The following TSHR variants were observed in gnomAD, a reference collection of about 807,000 sequenced individuals.
TSHR encodes thyrotropin receptor.
In TSHR, 51 loss-of-function variants were observed where a neutral mutation model predicts 64.1. The observed-to-expected ratio is 0.80, with a 90% confidence interval of 0.64 to 1.01. TSHR has a LOEUF of 1.01. Among genes scored for constraint, TSHR ranks in the 50% least tolerant of loss-of-function variants. The pLI is 0.00. For synonymous variants in TSHR, 361 were observed against 361.9 expected, an observed-to-expected ratio of 1.00 and a Z score of 0.03; for missense variants, 877 against 942.8, an observed-to-expected ratio of 0.93 and a Z score of 0.91.
At chr14:81,070,306 C>T (rs10136376) in intron 3 of TSHR, among the ~76,000 whole-genome samples, 9,699 of 152,018 alleles carry the variant, frequency 0.064, 1,057 homozygotes, top group African/African-American at 0.22. Flanking sequence ...AGTAAAATTG[C>T]TAAAAACCAA....
chr14:81,018,031 A>G (rs1883518769), intron 1 of TSHR, among the ~76,000 whole-genome samples: 3 of 152,034 alleles, frequency 2.0e-5, no homozygotes, highest in Admixed American at 1.3e-4. Flanking sequence ...AGGTTTCATC[A>G]TGTTGGCCAG....
intron 8 of TSHR, among the ~76,000 whole-genome samples, chr14:81,110,125 T>C (rs1395835425): frequency 6.6e-6 from 1 of 152,252 alleles, no homozygotes; most frequent in African/African-American, 2.4e-5. Context: ...AAAAATTCTG[T>C]TTGGTTCAAA....
intron 3 of TSHR, among the ~76,000 whole-genome samples, chr14:81,085,312 C>T (rs935620983): frequency 2.0e-5 from 3 of 152,126 alleles, no homozygotes; most frequent in Admixed American, 6.5e-5. Context: ...TGGCAGTCTA[C>T]GACCACTCCA....
chr14:81,098,369 G>A (rs1279736601), intron 7 of TSHR, among the ~76,000 whole-genome samples: 1 of 152,082 alleles, frequency 6.6e-6, no homozygotes, highest in Non-Finnish European at 1.5e-5. Flanking sequence ...TAAAATTAAT[G>A]TTTTAGAAAT....
At chr14:81,003,610 T>G in intron 1 of TSHR, 1 of 202,042 alleles carries the variant, frequency 4.9e-6, no homozygotes, top group South Asian at 9.8e-5. Context: ...TGCCTGATTT[T>G]GAGGGGTTTT....
At chr14:81,022,836 A>G (rs370028603) in intron 1 of TSHR, among the ~76,000 whole-genome samples, 36 of 152,120 alleles carry the variant, frequency 2.4e-4, no homozygotes, top group African/African-American at 7.2e-4. Flanking sequence ...AACAAAAAAA[A>G]AGATGTGGGG....
In TSHR at chr14:81,062,179, C is replaced by G; in HGVS notation, c.202C>G (p.Pro68Ala). 3 of 1,611,870 alleles carry G rather than the reference C, an allele frequency of 1.9e-6. No individual in the cohort carries two copies. The highest frequency in any genetic ancestry group is 2.5e-6 in the Non-Finnish European group (3 of 1,178,776). ...KLIETHLRTI[P>A]SHAFSNLPNI... ...TATTGAGACTCACCTGAGAACTATT[C>G]CAAGTCATGCATTTTCTAATCTGCC... The change falls in exon 2 of 10, where the codon CCA (proline) becomes GCA (alanine). Residue 68 changes from proline (P) to alanine (A), a missense_variant. By Grantham distance (27) the Pro-to-Ala change is conservative (BLOSUM62 -1). Transcript: ENST00000298171.
chr14:80,977,036 C>T (rs1887917626), intron 1 of TSHR, among the ~76,000 whole-genome samples: 1 of 152,254 alleles, frequency 6.6e-6, no homozygotes, highest in African/African-American at 2.4e-5. Flanking sequence ...TTGCATTGCT[C>T]TATAGAGCTA....
intron 1 of TSHR, among the ~76,000 whole-genome samples, chr14:81,024,810 C>T (rs1306721712): frequency 6.6e-6 from 1 of 152,110 alleles, no homozygotes; most frequent in Non-Finnish European, 1.5e-5. Context: ...TTTTTCTCTG[C>T]TTCTTGGGAG....
chr14:81,094,539 G>T (rs897032314), intron 6 of TSHR, among the ~76,000 whole-genome samples: 3 of 151,990 alleles, frequency 2.0e-5, no homozygotes, highest in African/African-American at 7.2e-5. Flanking sequence ...AATTAAACTC[G>T]CTATGTAATT....
At chr14:80,972,811 C>G (rs77603141) in intron 1 of TSHR, among the ~76,000 whole-genome samples, 17 of 152,302 alleles carry the variant, frequency 1.1e-4, no homozygotes, top group Non-Finnish European at 2.2e-4. Context: ...ATCTGCTCTC[C>G]GTCCACATGG....
In TSHR at chr14:81,132,276, C is replaced by T. The variant is rs1891280299; in HGVS notation, c.693-7403C>T. Reference sequence around the variant, plus strand: ...CAAACAGAAAAGACACTTGCAATTGCTGTTGGAACACTGGCAAGCCAATTA... The same window carrying T: ...CAAACAGAAAAGACACTTGCAATTGTTGTTGGAACACTGGCAAGCCAATTA... On this transcript the variant is annotated intron_variant, in intron 8 of 9. Coordinates refer to ENST00000298171, the MANE Select transcript of TSHR (RefSeq NM_000369.5). 2.0e-5 allele frequency among the ~76,000 whole-genome samples: 3 copies of T among 152,164 alleles called. No individual in the cohort carries two copies. The South Asian group carries it at 6.2e-4, about 32-fold the overall frequency.
intron 1 of TSHR, among the ~76,000 whole-genome samples, chr14:81,002,571 A>C (rs1889376404): frequency 6.6e-6 from 1 of 152,130 alleles, no homozygotes; most frequent in East Asian, 1.9e-4. Context: ...CTACCCAAAA[A>C]TATTACCTAA....
At chr14:80,966,640 A>G (rs1887313618) in intron 1 of TSHR, among the ~76,000 whole-genome samples, 1 of 152,214 alleles carries the variant, frequency 6.6e-6, no homozygotes, top group South Asian at 2.1e-4. Flanking sequence ...TCAGATGGTG[A>G]AAAGTATAAT....
chr14:81,114,237 C>T (rs1466089631), intron 8 of TSHR, among the ~76,000 whole-genome samples: 1 of 151,912 alleles, frequency 6.6e-6, no homozygotes, highest in Admixed American at 6.5e-5. Context: ...ACGCAGAAGA[C>T]GGGTGATTTC....
At chr14:81,055,503 C>T (rs1296936699) in intron 1 of TSHR, among the ~76,000 whole-genome samples, 1 of 152,172 alleles carries the variant, frequency 6.6e-6, no homozygotes, top group Non-Finnish European at 1.5e-5. Context: ...GGAAAATCTA[C>T]AGACACTCAA....
intron 1 of TSHR, among the ~76,000 whole-genome samples, chr14:80,997,509 C>T (rs1889086287): frequency 6.6e-6 from 1 of 152,176 alleles, no homozygotes; most frequent in Admixed American, 6.5e-5. Context: ...GTAGTTGCCA[C>T]ATCACACTGC....
chr14:81,082,918 G>A (rs2139951669), intron 3 of TSHR, among the ~76,000 whole-genome samples: 1 of 152,208 alleles, frequency 6.6e-6, no homozygotes, highest in East Asian at 1.9e-4. Context: ...TTAGGGTGTG[G>A]GGAAATATCT....
chr14:81,086,542 A>C (rs1888298820), intron 3 of TSHR, among the ~76,000 whole-genome samples: 4 of 152,242 alleles, frequency 2.6e-5, no homozygotes, highest in Admixed American at 2.6e-4. Flanking sequence ...AGCCCTAACT[A>C]TGTGGAGGCC....
Sources: allele counts gnomAD v4.1 joint callset (sites outside exome capture counted in the v4.1 genomes callset), GRCh38; gene constraint gnomAD v4.1.1; transcripts MANE v1.5; gene names NCBI Gene and HGNC (gene_info 2026-07-23, HGNC 2026-07-21).